HDAC9: variants seen among roughly 807,000 people sequenced by gnomAD.
HDAC9 encodes the protein histone deacetylase 9.
In HDAC9, 41 loss-of-function variants were observed where a neutral mutation model predicts 139.4. The ratio of observed to expected loss-of-function variants is 0.29; its 90% CI spans 0.23 to 0.38. The LOEUF (loss-of-function observed/expected upper bound fraction) is 0.38. Ranked by LOEUF, HDAC9 falls within the 10% of genes least tolerant of loss-of-function variation. The pLI is 1.00. For synonymous variants in HDAC9, 517 were observed against 476.2 expected (o/e 1.09, Z -1.12); for missense variants, 1,147 against 1,297.0 (o/e 0.88, Z 1.78).
chr7:18,888,143 C>A (rs565245525), intron 22 of HDAC9, among the ~76,000 whole-genome samples: 1 of 152,260 alleles, frequency 6.6e-6, no homozygotes, highest in South Asian at 2.1e-4. Flanking sequence ...TTCACTGGGC[C>A]GGGTGCGGTG....
intron 9 of HDAC9, 68 bp downstream of exon 9, chr7:18,644,861 C>CGT: frequency 1.4e-5 from 21 of 1,505,136 alleles, no homozygotes; most frequent in Non-Finnish European, 1.8e-5. Flanking sequence ...AACTCTCTTT[C>CGT]GTGTTTTATG....
chr7:18,818,302 G>A (rs1360669387), intron 17 of HDAC9, among the ~76,000 whole-genome samples: 4 of 152,138 alleles, frequency 2.6e-5, no homozygotes, highest in East Asian at 1.9e-4. Flanking sequence ...ACAGAATCCC[G>A]ATCAGCTGGT....
rs1368413095 is a variant in HDAC9 at position 18,945,808 on chromosome 7, G to A, written c.2938-8338G>A. Among the ~76,000 whole-genome samples the A allele has an allele frequency of 3.3e-5, 5 of 151,860 alleles. No homozygotes were observed. The East Asian group carries it at 9.7e-4, about 30-fold the overall frequency. On this transcript the variant is annotated intron_variant, in intron 23 of 25. Coordinates refer to ENST00000686413, the MANE Select transcript of HDAC9 (RefSeq NM_178425.4). ...AATCCCAGCACTTTGGGAGGCCAAG[G>A]TGGGCGAATCACGAGGTCAGAAGTT...
At chr7:18,285,378 A>T (rs1163586081) in intron 2 of HDAC9, among the ~76,000 whole-genome samples, 1 of 152,124 alleles carries the variant, frequency 6.6e-6, no homozygotes, top group East Asian at 1.9e-4. Context: ...TTGGGAATAT[A>T]CACCATTTGC....
chr7:18,309,791 G>A (rs1052345077), intron 1 of HDAC9, among the ~76,000 whole-genome samples: 3 of 149,644 alleles, frequency 2.0e-5, no homozygotes, highest in South Asian at 2.1e-4. Flanking sequence ...TGACTTGGAT[G>A]AAAAAAAAAG....
At chr7:18,844,163 C>G (rs141386386) in intron 21 of HDAC9, among the ~76,000 whole-genome samples, 256 of 152,214 alleles carry the variant, frequency 1.7e-3, no homozygotes, top group African/African-American at 5.9e-3. Context: ...ATGGCTTGTT[C>G]TTGTATCCAT....
intron 6 of HDAC9, among the ~76,000 whole-genome samples, chr7:18,606,370 T>C (rs553642284): frequency 1.3e-4 from 20 of 152,342 alleles, no homozygotes; most frequent in African/African-American, 4.6e-4. Context: ...TTTTCATTTT[T>C]TGAGGTGACA....
intron 2 of HDAC9, among the ~76,000 whole-genome samples, chr7:18,269,977 C>G (rs960959212): frequency 6.6e-6 from 1 of 152,070 alleles, no homozygotes; most frequent in African/African-American, 2.4e-5. Flanking sequence ...CTCAGCACTA[C>G]TGATATATTG....
chr7:18,314,505 T>TTTTTG (rs1799512972), intron 1 of HDAC9, among the ~76,000 whole-genome samples: 1 of 152,202 alleles, frequency 6.6e-6, no homozygotes, highest in Admixed American at 6.5e-5. Context: ...GAGGTTTTAT[T>TTTTTG]TCAGGTAATA....
Position 18,644,794 on chromosome 7 carries a change from G to A in HDAC9, c.1035+1G>A, listed in dbSNP as rs1372667961. The A allele has an allele frequency of 6.2e-7, 1 of 1,609,590 alleles. No individual in the cohort carries two copies. Among genetic ancestry groups the A allele is most frequent in the Non-Finnish European group, 8.5e-7 (1 of 1,177,874 alleles). ...TCCCGCAGTGCCATCCCAGCTCAAT[G>A]TAAGTCATTGCACAGCATCAGCCTT... On this transcript the variant is annotated splice_donor_variant, in intron 9 of 25. Coordinates refer to ENST00000686413, the MANE Select transcript of HDAC9 (RefSeq NM_178425.4). LOFTEE classifies it high-confidence loss of function.
chr7:18,386,857 G>A (rs539780454), intron 1 of HDAC9, among the ~76,000 whole-genome samples: 2 of 152,236 alleles, frequency 1.3e-5, no homozygotes, highest in South Asian at 2.1e-4. Context: ...GGTCTCTTGG[G>A]ATACACCACA....
chr7:18,658,729 C>G (rs925804472), intron 11 of HDAC9, among the ~76,000 whole-genome samples: 9 of 151,750 alleles, frequency 5.9e-5, no homozygotes, highest in African/African-American at 1.9e-4. Context: ...ATTTGAAAGC[C>G]CTCCAAGCTC....
At chr7:18,841,311 G>C (rs1210288363) in intron 21 of HDAC9, among the ~76,000 whole-genome samples, 1 of 151,416 alleles carries the variant, frequency 6.6e-6, no homozygotes, top group African/African-American at 2.4e-5. Context: ...GATTTTTTTT[G>C]TTCTTGTTCT....
At chr7:18,240,729 T>A (rs118187479) in intron 2 of HDAC9, among the ~76,000 whole-genome samples, 3,087 of 152,300 alleles carry the variant, frequency 0.02, 45 homozygotes, top group Middle Eastern at 0.054. Context: ...CACGGTTCTA[T>A]AAGTGATATG....
chr7:18,630,551 A>G (rs1018053215), intron 7 of HDAC9, among the ~76,000 whole-genome samples: 1 of 152,116 alleles, frequency 6.6e-6, no homozygotes, highest in Non-Finnish European at 1.5e-5. Flanking sequence ...TTAGTCTCCT[A>G]TTCAATCTGG....
At chr7:18,600,718 T>G (rs1833723291) in intron 6 of HDAC9, among the ~76,000 whole-genome samples, 1 of 152,240 alleles carries the variant, frequency 6.6e-6, no homozygotes, top group Non-Finnish European at 1.5e-5. Flanking sequence ...GTCAGTCCTC[T>G]TAACTCTTCT....
intron 22 of HDAC9, among the ~76,000 whole-genome samples, chr7:18,912,879 C>T (rs1029090571): frequency 1.3e-5 from 2 of 151,986 alleles, no homozygotes; most frequent in African/African-American, 4.8e-5. Flanking sequence ...TATAATTTCA[C>T]CAAGAATATG....
intron 2 of HDAC9, among the ~76,000 whole-genome samples, chr7:18,511,844 G>A (rs1801609585): frequency 1.3e-5 from 2 of 152,034 alleles, no homozygotes; most frequent in African/African-American, 4.8e-5. Context: ...GATGAAAATG[G>A]TAGAGAATTA....
intron 2 of HDAC9, among the ~76,000 whole-genome samples, chr7:18,581,390 G>A (rs938415972): frequency 3.9e-5 from 6 of 152,236 alleles, no homozygotes; most frequent in African/African-American, 1.4e-4. Context: ...AAGGCAAGCA[G>A]TTAGACGCAA....
Sources: gnomAD v4.1 joint callset for allele counts (sites outside exome capture counted in the v4.1 genomes callset) on GRCh38, gnomAD v4.1.1 for gene constraint, MANE v1.5 for transcripts, NCBI Gene and HGNC (gene_info 2026-07-23, HGNC 2026-07-21) for gene names.